The following LINGO2 variants were observed in gnomAD, a reference collection of about 807,000 sequenced individuals.
LINGO2 encodes the protein leucine-rich repeat and immunoglobulin-like domain-containing nogo receptor-interacting protein 2.
LINGO2 carries 14 observed loss-of-function variants against 30.6 expected under a neutral mutation model. The ratio of observed to expected loss-of-function variants is 0.46; its 90% confidence interval spans 0.30 to 0.72. LINGO2 has a LOEUF of 0.72. Ranked by LOEUF, LINGO2 falls within the 30% of genes least tolerant of loss-of-function variation. The probability of loss-of-function intolerance (pLI) is 0.07; values close to 1 mark genes in which losing one functional copy is unlikely to be tolerated. For synonymous variants in LINGO2, 317 were observed against 288.5 expected, an observed-to-expected ratio of 1.10 and a Z score of -1.00; for missense variants, 729 against 751.7, an observed-to-expected ratio of 0.97 and a Z score of 0.35.
chr9:27,969,379 T>C (rs1820249735), intron 5 of LINGO2, among the ~76,000 whole-genome samples: 1 of 152,106 alleles, frequency 6.6e-6, no homozygotes, highest in Admixed American at 6.6e-5. Flanking sequence ...TGTCTAACGA[T>C]GTGTGGCCAG....
chr9:28,284,316 C>A (rs1587387688), intron 4 of LINGO2, among the ~76,000 whole-genome samples: 1 of 152,284 alleles, frequency 6.6e-6, no homozygotes, highest in African/African-American at 2.4e-5. Context: ...TCTTTCTTTA[C>A]ACCTCAGATT....
intron 4 of LINGO2, among the ~76,000 whole-genome samples, chr9:28,070,154 G>C (rs1825431549): frequency 6.6e-6 from 1 of 152,124 alleles, no homozygotes; most frequent in Non-Finnish European, 1.5e-5. Context: ...ACTTTAGGTG[G>C]TTTAAGGACC....
the LINGO2 span, among the ~76,000 whole-genome samples, chr9:28,861,241 A>T: frequency 1.5e-4 from 17 of 116,540 alleles, no homozygotes; most frequent in Admixed American, 1.8e-3. Context: ...TATAATATAT[A>T]TTTTTTATAC....
At chr9:28,660,327 T>G (rs1490827870) in intron 1 of LINGO2, among the ~76,000 whole-genome samples, 1 of 151,874 alleles carries the variant, frequency 6.6e-6, no homozygotes, top group Non-Finnish European at 1.5e-5. Context: ...TCAAAATATC[T>G]AAGAAATACA....
At chr9:28,227,935 CTATT>C (rs1821227283) in intron 4 of LINGO2, among the ~76,000 whole-genome samples, 2 of 151,996 alleles carry the variant, frequency 1.3e-5, no homozygotes, top group African/African-American at 4.8e-5. Context: ...GAATAATACA[CTATT>C]TATTAATTAT....
the LINGO2 span, among the ~76,000 whole-genome samples, chr9:29,059,255 T>C: frequency 1.3e-5 from 2 of 151,634 alleles, no homozygotes; most frequent in East Asian, 1.9e-4. Flanking sequence ...CAGGCTTTTT[T>C]AAAAATAGAA....
chr9:28,003,895 C>T (rs1407435337), intron 5 of LINGO2, among the ~76,000 whole-genome samples: 3 of 152,026 alleles, frequency 2.0e-5, no homozygotes, highest in Admixed American at 6.6e-5. Context: ...TGGTTGGGAC[C>T]GAGTTTGTCT....
the LINGO2 span, among the ~76,000 whole-genome samples, chr9:29,124,158 G>T: frequency 6.6e-6 from 1 of 152,022 alleles, no homozygotes; most frequent in Non-Finnish European, 1.5e-5. Flanking sequence ...CAAGCAATGG[G>T]GAAAGGATTC....
chr9:28,090,616 T>G (rs562630236), intron 4 of LINGO2, among the ~76,000 whole-genome samples: 7 of 152,254 alleles, frequency 4.6e-5, no homozygotes, highest in African/African-American at 1.7e-4. Flanking sequence ...TCATACTTAA[T>G]GGGCAAAAAC....
At chr9:28,802,143 T>C in the LINGO2 span, among the ~76,000 whole-genome samples, 1 of 152,156 alleles carries the variant, frequency 6.6e-6, no homozygotes, top group East Asian at 1.9e-4. Context: ...CTAGTTTACC[T>C]TCTAGAATAT....
intron 2 of LINGO2, among the ~76,000 whole-genome samples, chr9:28,452,721 G>A (rs572806778): frequency 6.6e-6 from 1 of 151,944 alleles, no homozygotes; most frequent in African/African-American, 2.4e-5. Flanking sequence ...TGCCTGGGCT[G>A]GGTCTGGAAG....
At chr9:29,162,305 C>G in the LINGO2 span, among the ~76,000 whole-genome samples, 4 of 151,992 alleles carry the variant, frequency 2.6e-5, no homozygotes, top group African/African-American at 9.7e-5. Flanking sequence ...ATATAGAAAT[C>G]CTTTGTGATT....
chr9:28,823,201 A>G, the LINGO2 span, among the ~76,000 whole-genome samples: 2 of 152,076 alleles, frequency 1.3e-5, no homozygotes, highest in Non-Finnish European at 2.9e-5. Flanking sequence ...TGATGATAGG[A>G]CCTTCCTGGA....
At chr9:28,482,393 C>T (rs1484172575) in intron 1 of LINGO2, among the ~76,000 whole-genome samples, 1 of 152,120 alleles carries the variant, frequency 6.6e-6, no homozygotes, top group African/African-American at 2.4e-5. Context: ...AGCATTTTTT[C>T]ATGTGTTTTC....
At chr9:29,042,848 T>C in the LINGO2 span, among the ~76,000 whole-genome samples, 1 of 151,894 alleles carries the variant, frequency 6.6e-6, no homozygotes, top group Non-Finnish European at 1.5e-5. Flanking sequence ...TAACATATGT[T>C]TTTATTACTA....
the LINGO2 span, chr9:27,940,866 A>G: frequency 6.6e-6 from 1 of 152,186 alleles, no homozygotes; most frequent in Admixed American, 6.6e-5. Context: ...TCTTCTTCCC[A>G]TTGTTTAAGT....
At chr9:28,232,065 A>T (rs769105638) in intron 4 of LINGO2, among the ~76,000 whole-genome samples, 18 of 152,112 alleles carry the variant, frequency 1.2e-4, no homozygotes, top group Non-Finnish European at 2.1e-4. Flanking sequence ...TGTCTCTTAT[A>T]TATTGGTAAT....
At chr9:28,525,741 T>A (rs151336487) in intron 1 of LINGO2, among the ~76,000 whole-genome samples, 88 of 152,120 alleles carry the variant, frequency 5.8e-4, no homozygotes, top group Non-Finnish European at 1.8e-4. Flanking sequence ...GTCACAAAAC[T>A]CTAAAAATAT....
the LINGO2 span, among the ~76,000 whole-genome samples, chr9:29,157,265 C>T: frequency 1.3e-5 from 2 of 152,058 alleles, no homozygotes; most frequent in Non-Finnish European, 2.9e-5. Context: ...TAAATAATTA[C>T]AATAAGATTT....
Sources: gnomAD v4.1 joint callset for allele counts (sites outside exome capture counted in the v4.1 genomes callset) on GRCh38, gnomAD v4.1.1 for gene constraint, MANE v1.5 for transcripts, NCBI Gene and HGNC (gene_info 2026-07-23, HGNC 2026-07-21) for gene names.